Variants in LYSMD3 observed in about 807,000 individuals in gnomAD.
LYSMD3 encodes LysM domain containing 3.
A neutral mutation model predicts 26.1 loss-of-function variants in LYSMD3; 13 were observed. That is an observed-to-expected ratio of 0.50 (90% CI 0.32 to 0.79). The LOEUF (loss-of-function observed/expected upper bound fraction) is 0.79, where lower values mean the gene tolerates loss of function less well. LYSMD3 is among the 30% of genes least tolerant of loss of function. The pLI is 0.03. For synonymous variants in LYSMD3, 109 were observed against 119.4 expected (o/e 0.91, Z 0.57); for missense variants, 331 against 362.5 (o/e 0.91, Z 0.71).
At chr5:90,519,548 C>T in intron 2 of LYSMD3, 64 bp from the exon 3 acceptor site, 1 of 1,446,272 alleles carries the variant, frequency 6.9e-7, no homozygotes, top group Admixed American at 2.2e-5. Context: ...CAGCAATAGT[C>T]ATTCATTCTA....
intron 2 of LYSMD3, among the ~76,000 whole-genome samples, chr5:90,524,158 G>A (rs550443844): frequency 1.2e-4 from 19 of 152,186 alleles, no homozygotes; most frequent in South Asian, 2.1e-4. Flanking sequence ...ATACTGGAAC[G>A]TTAATACTAC....
rs571500644 is a variant in LYSMD3, at chr5:90,529,546, C to G, written c.-110G>C. ...TTCATGGCCGAGCCTCTGCTTTGGGCTGACCCCGTCCGCCTCCGCCTCTGC... is the reference window on the plus strand; with the variant it reads ...TTCATGGCCGAGCCTCTGCTTTGGGGTGACCCCGTCCGCCTCCGCCTCTGC... On this transcript the variant is annotated 5_prime_UTR_variant, in exon 1 of 3. Coordinates refer to ENST00000315948, the MANE Select transcript of LYSMD3 (RefSeq NM_198273.2). 1 of 456,670 alleles carries G rather than the reference C, an allele frequency of 2.2e-6. No homozygotes were observed. Among genetic ancestry groups the G allele is most frequent in the Non-Finnish European group, 4.4e-6 (1 of 226,954 alleles). The allele number at this position is 456,670 out of a possible 1,614,324, so 28.3% of individuals were successfully genotyped here.
In LYSMD3 at chr5:90,526,094, C is replaced by A. The variant is rs1189168628; in HGVS notation, c.-11-794G>T. Among the ~76,000 whole-genome samples, 3 of 152,318 alleles carry A rather than the reference C, an allele frequency of 2.0e-5. No individual in the cohort carries two copies. In the East Asian group the frequency reaches 5.8e-4, roughly 29 times the overall value. ...ATGTTTTATATACACATAATACTTT[C>A]ATGAATTCAAAACTTTCCAGCTTGT... On this transcript the variant is annotated intron_variant, in intron 1 of 2. Transcript: ENST00000315948.
chr5:90,522,159 T>C (rs1391314293), intron 2 of LYSMD3, among the ~76,000 whole-genome samples: 4 of 152,148 alleles, frequency 2.6e-5, no homozygotes, highest in Non-Finnish European at 5.9e-5. Flanking sequence ...TTGTGAGATC[T>C]GATTGTTTAA....
chr5:90,525,317 G>T lies in LYSMD3; in HGVS notation c.-11-17C>A, dbSNP rs1422861600. 3.8e-6 allele frequency: 6 copies of T among 1,561,516 alleles called. No homozygotes were observed. In the African/African-American group the frequency reaches 4.1e-5, roughly 11 times the overall value. On this transcript the variant is annotated splice_polypyrimidine_tract_variant and intron_variant, in intron 1 of 2. Coordinates refer to ENST00000315948, the MANE Select transcript of LYSMD3 (RefSeq NM_198273.2). Reference sequence around the variant, plus strand: ...TGTTAAAATCTGGAGGAAAAAAAAAGCAGAGAAAATTTTGGAATGTAGCTG... The same window carrying T: ...TGTTAAAATCTGGAGGAAAAAAAAATCAGAGAAAATTTTGGAATGTAGCTG...
Position 90,519,108 on chromosome 5 carries a change from C to A in LYSMD3, c.632G>T (p.Gly211Val). The change falls in exon 3 of 3, where the codon GGA (glycine) becomes GTA (valine). Residue 211 changes from glycine (G) to valine (V), a missense_variant. By Grantham distance (109) the Gly-to-Val change is moderately radical (BLOSUM62 -3). Transcript: ENST00000315948. Reference protein sequence around the residue: ...KNTQRKDPYYGADWGIGWWTA... With the variant: ...KNTQRKDPYYVADWGIGWWTA... ...CCACCACCCTATTCCCCAGTCTGCT[C>A]CATAATAGGGGTCTTTACGTTGAGT... 6.2e-7 allele frequency: 1 copy of A among 1,614,100 alleles called. No individual in the cohort carries two copies. The highest frequency in any genetic ancestry group is 1.1e-5 in the South Asian group (1 of 91,080).
chr5:90,525,706 TC>T (rs752026575), intron 1 of LYSMD3, among the ~76,000 whole-genome samples: 10 of 152,188 alleles, frequency 6.6e-5, no homozygotes, highest in Non-Finnish European at 1.3e-4. Context: ...CACTTCAGCC[TC>T]CCAAAGTGCT....
chr5:90,521,665 TCTTA>T lies in LYSMD3; in HGVS notation c.256-2185_256-2182del, dbSNP rs1431156589. Among the ~76,000 whole-genome samples, 8 of 152,120 alleles carry T rather than the reference TCTTA, an allele frequency of 5.3e-5. No homozygotes were observed. The East Asian group carries it at 1.2e-3, about 22-fold the overall frequency. ...TGCTCTTTTGCTTGGTATTGTGTAC[TCTTA>T]CTAATAACTACTTAATACTCTTTTT... On this transcript the variant is annotated intron_variant, in intron 2 of 2. Transcript: ENST00000315948.
chr5:90,520,799 G>C (rs1007150540), intron 2 of LYSMD3, among the ~76,000 whole-genome samples: 2 of 151,886 alleles, frequency 1.3e-5, no homozygotes, highest in African/African-American at 2.4e-5. Flanking sequence ...CATGCCTGTA[G>C]TCCCAGCTAC....
chr5:90,529,174 G>A (rs1753298396), intron 1 of LYSMD3, among the ~76,000 whole-genome samples: 2 of 152,230 alleles, frequency 1.3e-5, no homozygotes, highest in African/African-American at 2.4e-5. Flanking sequence ...GAGAAATGCT[G>A]TGTTTGGGTG....
intron 1 of LYSMD3, 135 bp from the exon 2 acceptor site, chr5:90,525,435 A>AATAACT (rs1753200773): frequency 1.1e-6 from 1 of 951,340 alleles, no homozygotes; most frequent in South Asian, 1.9e-5. Context: ...TTTAGGTTTA[A>AATAACT]GTTCGTTTTT....
At chr5:90,522,314 G>A (rs1463622102) in intron 2 of LYSMD3, among the ~76,000 whole-genome samples, 1 of 152,174 alleles carries the variant, frequency 6.6e-6, no homozygotes, top group Non-Finnish European at 1.5e-5. Context: ...TGTACAACCT[G>A]CAGAACCATG....
In LYSMD3 at chr5:90,520,916, C is replaced by T. The variant is rs556397298; in HGVS notation, c.256-1432G>A. The stretch of plus-strand genomic sequence containing the variant: ...CCTGGGCAACAGAGCGAGACTCCAT[C>T]TCAAAAAAAAAAAAAGTAATTGAAG... On this transcript the variant is annotated intron_variant, in intron 2 of 2. Coordinates refer to ENST00000315948, the MANE Select transcript of LYSMD3 (RefSeq NM_198273.2). 3.4e-5 allele frequency among the ~76,000 whole-genome samples: 5 copies of T among 148,684 alleles called. No homozygotes were observed. In the South Asian group the frequency reaches 1.1e-3, roughly 31 times the overall value.
At position 90,519,479 on chromosome 5, in the gene LYSMD3, T is replaced by C; in HGVS notation, c.261A>G (p.Ala87=). The change falls in exon 3 of 3, where the codon GCA becomes GCG. Residue 87 remains alanine, a synonymous_variant. Coordinates refer to ENST00000315948, the MANE Select transcript of LYSMD3 (RefSeq NM_198273.2). ...TGAGATTGTTAACTCTCTTGATATC[T>C]GCTACCTGTGGGGGGGAAAAAAAAG... The part of the protein sequence containing the change: ...AIALQYCCTV[A]DIKRVNNLIS... The C allele has an allele frequency of 6.3e-7, 1 of 1,578,762 alleles. No homozygotes were observed.
rs775591811 is a variant in LYSMD3 at position 90,518,807 on chromosome 5, A to G, written c.*12T>C. On this transcript the variant is annotated 3_prime_UTR_variant, in exon 3 of 3. Transcript: ENST00000315948. ...CACATGTGACCACTAACATTTGATT[A>G]TGAGCTAATTGCTATGTTTCCTGTT... The G allele has an allele frequency of 6.8e-5, 109 of 1,601,790 alleles. No individual in the cohort carries two copies. The highest frequency in any genetic ancestry group is 1.7e-4 in the Middle Eastern group (1 of 6,024).
At chr5:90,520,232 G>A (rs1032587414) in intron 2 of LYSMD3, 1 of 371,218 alleles carries the variant, frequency 2.7e-6, no homozygotes, top group Non-Finnish European at 5.4e-6. Flanking sequence ...TAACCTGTCT[G>A]TATATCCTAT....
At position 90,525,017 on chromosome 5, in the gene LYSMD3, T is replaced by C. The variant is rs1231339153; in HGVS notation, c.255+18A>G. 2.6e-6 allele frequency: 4 copies of C among 1,535,120 alleles called. No homozygotes were observed. Among genetic ancestry groups the C allele is most frequent in the Admixed American group, 2.0e-5 (1 of 49,928 alleles). On this transcript the variant is annotated intron_variant, in intron 2 of 2. Transcript: ENST00000315948. ...AAATAATTTCTTCTGAATTGCATTA[T>C]GTAATATTAAAACTTACCGTACAAC...
Position 90,515,837 on chromosome 5 carries a change from G to T in LYSMD3, c.*2982C>A, listed in dbSNP as rs552510771. On this transcript the variant is annotated 3_prime_UTR_variant, in exon 3 of 3. Coordinates refer to ENST00000315948, the MANE Select transcript of LYSMD3 (RefSeq NM_198273.2). Reference sequence around the variant, plus strand: ...TCAGATATTTCTATGATCTAACAGTGCAATATGCACATACGTGGAAGAAAA... The same window carrying T: ...TCAGATATTTCTATGATCTAACAGTTCAATATGCACATACGTGGAAGAAAA... 1.8e-4 allele frequency: 27 copies of T among 152,206 alleles called. No individual in the cohort carries two copies. Among genetic ancestry groups the T allele is most frequent in the Non-Finnish European group, 1.5e-5 (1 of 67,982 alleles). 9.4% of individuals were successfully genotyped at this position (152,206 alleles called of 1,614,324 possible).
intron 2 of LYSMD3, among the ~76,000 whole-genome samples, chr5:90,523,178 TCTGATTTAATAATGG>T (rs1753134134): frequency 6.6e-6 from 1 of 152,166 alleles, no homozygotes; most frequent in Non-Finnish European, 1.5e-5. Context: ...TTAGATATTT[TCTGATTTAATAATGG>T]CAAGAATTGA....
Sources: gnomAD v4.1 joint callset for allele counts (sites outside exome capture counted in the v4.1 genomes callset) on GRCh38, gnomAD v4.1.1 for gene constraint, MANE v1.5 for transcripts, NCBI Gene and HGNC (gene_info 2026-07-23, HGNC 2026-07-21) for gene names.